The following NRCAM variants were observed in gnomAD, a reference collection of about 807,000 sequenced individuals.
The protein encoded by NRCAM is NgCAM-related cell adhesion molecule.
NRCAM carries 83 observed loss-of-function variants against 156.5 expected under a neutral mutation model. The ratio of observed to expected loss-of-function variants is 0.53; its 90% CI spans 0.44 to 0.64. The LOEUF (loss-of-function observed/expected upper bound fraction) is 0.64. Among genes scored for constraint, NRCAM ranks in the 30% least tolerant of loss-of-function variants. NRCAM has a pLI of 0.00. For missense variants in NRCAM, 1,417 were observed against 1,597.3 expected, an observed-to-expected ratio of 0.89 and a Z score of 1.92; for synonymous variants, 538 against 563.9, an observed-to-expected ratio of 0.95 and a Z score of 0.65.
At position 108,226,383 on chromosome 7, in the gene NRCAM, A is replaced by T. The variant is rs1323664709; in HGVS notation, c.551-5T>A. The T allele has an allele frequency of 6.2e-7, 1 of 1,607,440 alleles. No individual in the cohort carries two copies. On this transcript the variant is annotated splice_polypyrimidine_tract_variant and splice_region_variant and intron_variant, in intron 8 of 32. Transcript: ENST00000379028. ...TTTGTGGAAGTCTTTGAAAGGCTGG[A>T]GAAAGGCAGAGAGATATCAAGATTA... is the stretch of plus-strand genomic sequence containing the variant.
intron 3 of NRCAM, among the ~76,000 whole-genome samples, chr7:108,274,826 T>A (rs191710909): frequency 6.6e-6 from 1 of 152,326 alleles, no homozygotes; most frequent in African/African-American, 2.4e-5. Flanking sequence ...TGGCTTTCAA[T>A]GGGAATGCTT....
intron 3 of NRCAM, among the ~76,000 whole-genome samples, chr7:108,287,319 T>C (rs986422618): frequency 6.6e-6 from 1 of 151,746 alleles, no homozygotes; most frequent in African/African-American, 2.4e-5. Context: ...AAAACAAAAA[T>C]AGACAAATGG....
At chr7:108,433,124 T>A (rs1827774988) in intron 1 of NRCAM, among the ~76,000 whole-genome samples, 1 of 152,110 alleles carries the variant, frequency 6.6e-6, no homozygotes, top group African/African-American at 2.4e-5. Flanking sequence ...TTCCCACCCA[T>A]CCCAGTCCTG....
In NRCAM at chr7:108,161,414, T is replaced by C. The variant is rs537084631; in HGVS notation, c.3467-922A>G. ...GTATTATTTTAAAGTATCAATCTTA[T>C]GGGAAAAAGTGCAGCATCAATGGCT... On this transcript the variant is annotated intron_variant, in intron 30 of 32. Transcript: ENST00000379028. Among the ~76,000 whole-genome samples, 16 of 152,334 alleles carry C rather than the reference T, an allele frequency of 1.1e-4. No individual in the cohort carries two copies. The South Asian group carries it at 3.3e-3, about 32-fold the overall frequency.
At chr7:108,160,323 T>C (rs1198136914) in intron 31 of NRCAM, 38 bp downstream of exon 31, 5 of 1,572,320 alleles carry the variant, frequency 3.2e-6, no homozygotes, top group Non-Finnish European at 4.4e-6. Flanking sequence ...TGGATTATTA[T>C]GTAGCATTAT....
chr7:108,374,456 C>T (rs2099656274), intron 2 of NRCAM, among the ~76,000 whole-genome samples: 2 of 152,024 alleles, frequency 1.3e-5, no homozygotes, highest in South Asian at 2.1e-4. Flanking sequence ...AAGAGGAAGA[C>T]TCTACCTGAA....
chr7:108,352,128 T>C (rs959531701), intron 2 of NRCAM, among the ~76,000 whole-genome samples: 1 of 152,324 alleles, frequency 6.6e-6, no homozygotes. Flanking sequence ...CTCTAAGAAT[T>C]GACCTGAGAT....
Position 108,150,007 on chromosome 7 carries a change from A to G in NRCAM, c.3818T>C (p.Ile1273Thr). ...NGQFNEDGSF[I>T]GQYSGKKEKE... ...CTCTTTCTTACCACTGTATTGTCCA[A>G]TAAAGGAGCCATCCTCATTGAACTG... is the stretch of plus-strand genomic sequence containing the variant. The change falls in exon 33 of 33, where the codon ATT (isoleucine) becomes ACT (threonine). Residue 1273 changes from isoleucine to threonine, a missense_variant. Physicochemically the swap from Ile to Thr is moderately conservative, Grantham distance 89. Coordinates refer to ENST00000379028, the MANE Select transcript of NRCAM (RefSeq NM_001037132.4). The G allele has an allele frequency of 6.2e-7, 1 of 1,614,082 alleles. No individual in the cohort carries two copies. The highest frequency in any genetic ancestry group is 8.5e-7 in the Non-Finnish European group (1 of 1,179,950).
At chr7:108,433,208 A>T (rs1036682532) in intron 1 of NRCAM, among the ~76,000 whole-genome samples, 3 of 151,826 alleles carry the variant, frequency 2.0e-5, no homozygotes, top group Admixed American at 2.0e-4. Context: ...ATATCCCCTC[A>T]ACTCCCAATA....
At chr7:108,298,365 G>A (rs1054666815) in intron 3 of NRCAM, among the ~76,000 whole-genome samples, 8 of 151,936 alleles carry the variant, frequency 5.3e-5, no homozygotes, top group Admixed American at 2.6e-4. Context: ...AAAAAAACCC[G>A]CAGGGCACGG....
intron 2 of NRCAM, among the ~76,000 whole-genome samples, chr7:108,363,894 C>A (rs2099574972): frequency 6.6e-6 from 1 of 152,064 alleles, no homozygotes; most frequent in Admixed American, 6.6e-5. Flanking sequence ...GAAACTGTCA[C>A]AGCCAAGAGG....
At chr7:108,199,030 A>G (rs1365029497) in intron 13 of NRCAM, among the ~76,000 whole-genome samples, 1 of 152,238 alleles carries the variant, frequency 6.6e-6, no homozygotes, top group Non-Finnish European at 1.5e-5. Flanking sequence ...TTAGAAGTAC[A>G]CTAAGAGGGA....
intron 3 of NRCAM, among the ~76,000 whole-genome samples, chr7:108,289,239 T>G (rs1169242085): frequency 6.6e-6 from 1 of 152,162 alleles, no homozygotes; most frequent in African/African-American, 2.4e-5. Context: ...ATTTAGGTAC[T>G]TGAAGCATGT....
At chr7:108,210,996 C>T (rs556806023) in intron 11 of NRCAM, among the ~76,000 whole-genome samples, 130 of 152,300 alleles carry the variant, frequency 8.5e-4, no homozygotes, top group Non-Finnish European at 1.6e-3. Flanking sequence ...AGGCTTGCAT[C>T]GTGAATTTTA....
At chr7:108,392,310 A>G (rs2154377984) in intron 2 of NRCAM, among the ~76,000 whole-genome samples, 1 of 152,082 alleles carries the variant, frequency 6.6e-6, no homozygotes, top group South Asian at 2.1e-4. Context: ...TTCTCACTTC[A>G]TTTCATTCAT....
chr7:108,391,498 A>G (rs539815907), intron 2 of NRCAM, among the ~76,000 whole-genome samples: 126 of 152,112 alleles, frequency 8.3e-4, no homozygotes, highest in African/African-American at 2.9e-3. Context: ...TCCTGAATAC[A>G]GCACACTGAT....
At chr7:108,335,679 G>A (rs1375130562) in intron 2 of NRCAM, among the ~76,000 whole-genome samples, 1 of 151,890 alleles carries the variant, frequency 6.6e-6, no homozygotes, top group East Asian at 1.9e-4. Flanking sequence ...GCTTTTTATT[G>A]GATTTCAGAT....
chr7:108,299,110 A>AAAAAAAAAAAAAAAAG (rs1563163335), intron 3 of NRCAM, among the ~76,000 whole-genome samples: 1 of 16,648 alleles, frequency 6.0e-5, no homozygotes, highest in Admixed American at 1.1e-3. Context: ...CATCTCAAAA[A>AAAAAAAAAAAAAAAAG]AAAAAAAGAA....
chr7:108,312,964 T>A (rs1261156932), intron 2 of NRCAM, among the ~76,000 whole-genome samples: 1 of 152,200 alleles, frequency 6.6e-6, no homozygotes, highest in South Asian at 2.1e-4. Context: ...CATTAAAGGA[T>A]TCCAGCCTAG....
Sources: allele counts gnomAD v4.1 joint callset (sites outside exome capture counted in the v4.1 genomes callset), GRCh38; gene constraint gnomAD v4.1.1; transcripts MANE v1.5; gene names NCBI Gene and HGNC (gene_info 2026-07-23, HGNC 2026-07-21).